The following C8orf34 variants were observed in gnomAD, a reference collection of about 807,000 sequenced individuals.
C8orf34 encodes the protein uncharacterized protein C8orf34.
Under a neutral mutation model 68.3 loss-of-function variants are expected in C8orf34, and 65 were observed. The observed-to-expected ratio is 0.95, with a 90% CI of 0.78 to 1.17. C8orf34 has a LOEUF of 1.17. Ranked by LOEUF, C8orf34 falls within the 50% of genes most tolerant of loss-of-function variation. The probability of loss-of-function intolerance (pLI) is 0.00; values close to 1 mark genes in which losing one functional copy is unlikely to be tolerated. For synonymous variants in C8orf34, 244 were observed against 241.2 expected (o/e 1.01, Z -0.11); for missense variants, 664 against 655.4 (o/e 1.01, Z -0.14).
At position 68,715,169 on chromosome 8, in the gene C8orf34, A is replaced by T. The variant is rs368361454; in HGVS notation, c.1327+6090A>T. ...TAAATCTAAGACCTGAAACCATAAA[A>T]GTTCTAGAAGATAATGTCAGAAAAA... On this transcript the variant is annotated intron_variant, in intron 9 of 13. Coordinates refer to ENST00000518698, the MANE Select transcript of C8orf34 (RefSeq NM_052958.4). Among the ~76,000 whole-genome samples, 18 of 152,322 alleles carry T rather than the reference A, an allele frequency of 1.2e-4. No individual in the cohort carries two copies. The East Asian group carries it at 2.5e-3, about 21-fold the overall frequency.
At chr8:68,590,217 A>G (rs977081778) in intron 7 of C8orf34, among the ~76,000 whole-genome samples, 10 of 149,994 alleles carry the variant, frequency 6.7e-5, no homozygotes, top group Admixed American at 1.3e-4. Context: ...GAGGGCAGGA[A>G]GGAAGGAGGG....
At chr8:68,721,265 T>C (rs1222640707) in intron 9 of C8orf34, 96 bp from the exon 10 acceptor site, 2 of 756,660 alleles carry the variant, frequency 2.6e-6, no homozygotes, top group Non-Finnish European at 4.3e-6. Flanking sequence ...AACACCCAAT[T>C]CCATCATTTT....
At position 68,374,344 on chromosome 8, in the gene C8orf34, C is replaced by T. The variant is rs16919092; in HGVS notation, c.327+43005C>T. ...GCTAAGGTAAGATGGGAGCTTTTAA[C>T]CCTTCATATTCAGCTTCTCCTCTCA... On this transcript the variant is annotated intron_variant, in intron 1 of 13. Transcript: ENST00000518698. 7.8e-3 allele frequency among the ~76,000 whole-genome samples: 1,187 copies of T among 152,152 alleles called. 36 individuals carry two copies. The East Asian group carries it at 0.097, about 12-fold the overall frequency.
At chr8:68,611,745 G>A (rs1818030460) in intron 7 of C8orf34, among the ~76,000 whole-genome samples, 1 of 152,056 alleles carries the variant, frequency 6.6e-6, no homozygotes, top group African/African-American at 2.4e-5. Flanking sequence ...ACTGTTTATA[G>A]AGTTTAAATC....
intron 3 of C8orf34, among the ~76,000 whole-genome samples, chr8:68,456,503 G>A (rs956964409): frequency 3.9e-5 from 6 of 152,122 alleles, no homozygotes; most frequent in Admixed American, 3.3e-4. Flanking sequence ...GAATAAATGA[G>A]GATAATGTAA....
chr8:68,539,228 A>G (rs1815610143), intron 7 of C8orf34, among the ~76,000 whole-genome samples: 1 of 152,208 alleles, frequency 6.6e-6, no homozygotes, highest in Non-Finnish European at 1.5e-5. Flanking sequence ...GTGATGCTAT[A>G]TTTCAAGATC....
intron 3 of C8orf34, among the ~76,000 whole-genome samples, chr8:68,463,060 A>G (rs953477724): frequency 7.2e-5 from 11 of 152,032 alleles, no homozygotes; most frequent in Non-Finnish European, 1.2e-4. Flanking sequence ...TAATAAAGAA[A>G]AAAAGAGAGA....
At chr8:68,650,197 A>T (rs57624575) in intron 8 of C8orf34, among the ~76,000 whole-genome samples, 11,335 of 152,130 alleles carry the variant, frequency 0.075, 616 homozygotes, top group African/African-American at 0.15. Context: ...GTCTGAGGTG[A>T]TACCCGAGGT....
At chr8:68,415,115 C>T (rs1229005429) in intron 1 of C8orf34, among the ~76,000 whole-genome samples, 1 of 152,130 alleles carries the variant, frequency 6.6e-6, no homozygotes, top group Non-Finnish European at 1.5e-5. Flanking sequence ...GCCCTGGAGA[C>T]TGGTTTGTTC....
intron 8 of C8orf34, among the ~76,000 whole-genome samples, chr8:68,696,018 T>TA (rs1415017791): frequency 6.6e-6 from 1 of 151,914 alleles, no homozygotes; most frequent in African/African-American, 2.4e-5. Flanking sequence ...GACACTATTA[T>TA]AGGCTGGGCC....
intron 4 of C8orf34, among the ~76,000 whole-genome samples, chr8:68,484,244 G>A (rs1812981517): frequency 6.6e-6 from 1 of 152,208 alleles, no homozygotes; most frequent in African/African-American, 2.4e-5. Flanking sequence ...TATCATGAGA[G>A]CGGCAACAAA....
intron 3 of C8orf34, among the ~76,000 whole-genome samples, chr8:68,464,420 G>T (rs1268398141): frequency 6.6e-6 from 1 of 151,866 alleles, no homozygotes; most frequent in Non-Finnish European, 1.5e-5. Flanking sequence ...AGCTACCAAT[G>T]ACTTTCTTCA....
chr8:68,796,785 G>T (rs1242055771), intron 12 of C8orf34, among the ~76,000 whole-genome samples: 1 of 148,982 alleles, frequency 6.7e-6, no homozygotes, highest in Non-Finnish European at 1.5e-5. Flanking sequence ...GCATGACTTT[G>T]ATTAGTTCAG....
intron 1 of C8orf34, among the ~76,000 whole-genome samples, chr8:68,348,339 A>C (rs1806367666): frequency 6.6e-6 from 1 of 152,092 alleles, no homozygotes; most frequent in Non-Finnish European, 1.5e-5. Flanking sequence ...TTTTTATACC[A>C]GTATCATGCT....
chr8:68,660,628 C>T (rs2130807550), intron 8 of C8orf34, among the ~76,000 whole-genome samples: 1 of 152,242 alleles, frequency 6.6e-6, no homozygotes, highest in Non-Finnish European at 1.5e-5. Context: ...TCCATTGTTG[C>T]CTGCCTCTGG....
chr8:68,416,511 A>ACATT (rs1304795548), intron 1 of C8orf34, among the ~76,000 whole-genome samples: 19 of 129,064 alleles, frequency 1.5e-4, no homozygotes, highest in South Asian at 5.2e-4. Context: ...TATTAAACAT[A>ACATT]CATTTATTTA....
intron 7 of C8orf34, among the ~76,000 whole-genome samples, chr8:68,597,186 C>G (rs981015471): frequency 2.6e-5 from 4 of 151,948 alleles, no homozygotes; most frequent in Non-Finnish European, 4.4e-5. Flanking sequence ...CTCTCATGCT[C>G]CTGAGCATGC....
chr8:68,441,022 T>A (rs1312992951), intron 2 of C8orf34, among the ~76,000 whole-genome samples: 1 of 152,140 alleles, frequency 6.6e-6, no homozygotes, highest in Non-Finnish European at 1.5e-5. Flanking sequence ...GCCAGGATGG[T>A]CTCGATCTCC....
At chr8:68,364,839 G>C (rs1276563293) in intron 1 of C8orf34, among the ~76,000 whole-genome samples, 1 of 151,698 alleles carries the variant, frequency 6.6e-6, no homozygotes, top group Non-Finnish European at 1.5e-5. Flanking sequence ...AAAAGAACTA[G>C]AAAAGCAAGA....
Sources: gnomAD v4.1 joint callset for allele counts (sites outside exome capture counted in the v4.1 genomes callset) on GRCh38, gnomAD v4.1.1 for gene constraint, MANE v1.5 for transcripts, NCBI Gene and HGNC (gene_info 2026-07-23, HGNC 2026-07-21) for gene names.